Variants in ENAH observed in about 807,000 individuals in gnomAD.
ENAH encodes protein enabled homolog.
Under a neutral mutation model 78.7 loss-of-function variants are expected in ENAH, and 23 were observed. The ratio of observed to expected loss-of-function variants is 0.29; its 90% CI spans 0.21 to 0.41. The LOEUF (loss-of-function observed/expected upper bound fraction) is 0.41. Among genes scored for constraint, ENAH ranks in the 10% least tolerant of loss-of-function variants. ENAH has a pLI of 1.00. For missense variants in ENAH, 544 were observed against 691.0 expected (o/e 0.79, Z 2.39); for synonymous variants, 226 against 241.0 (o/e 0.94, Z 0.58).
chr1:225,546,773 A>G (rs1479648954), intron 3 of ENAH, among the ~76,000 whole-genome samples: 1 of 152,192 alleles, frequency 6.6e-6, no homozygotes, highest in Non-Finnish European at 1.5e-5. Context: ...TTTAGAGTCA[A>G]TCTGCCCAAA....
chr1:225,525,661 G>T lies in ENAH; in HGVS notation c.434+4893C>A, dbSNP rs141144497. Among the ~76,000 whole-genome samples the T allele has an allele frequency of 1.5e-3, 235 of 152,252 alleles. 1 individual carries two copies. The highest frequency in any genetic ancestry group is 5.3e-3 in the African/African-American group (221 of 41,546). On this transcript the variant is annotated intron_variant, in intron 4 of 13. Transcript: ENST00000366843. ...TTGGATTCCTTGTCTCCTGGATGCT[G>T]TCATGGGTTCATCATTCTTGCTTTA...
intron 1 of ENAH, among the ~76,000 whole-genome samples, chr1:225,597,655 CAAAAAAAAAAA>C (rs565567062): frequency 1.6e-5 from 1 of 61,172 alleles, no homozygotes; most frequent in Non-Finnish European, 3.8e-5. Flanking sequence ...AAGAGCATCT[CAAAAAAAAAAA>C]AAAAAAAAAA....
rs1553409497 is a variant in ENAH at position 225,495,464 on chromosome 1, T to TTG, written c.*2310_*2311insCA. 4.0e-5 allele frequency: 6 copies of TTG among 150,264 alleles called. No individual in the cohort carries two copies. The highest frequency in any genetic ancestry group is 6.6e-5 in the Admixed American group (1 of 15,044). 9.3% of individuals were successfully genotyped at this position (150,264 alleles called of 1,614,324 possible). ...AGCATGATTCAACACTGGTTTTTTT[T>TTG]TTTTTTTTTTTTTGTCAGTTTACAC... On this transcript the variant is annotated 3_prime_UTR_variant, in exon 14 of 14. Transcript: ENST00000366843.
chr1:225,538,669 T>G (rs1009233384), intron 3 of ENAH, among the ~76,000 whole-genome samples: 3 of 152,186 alleles, frequency 2.0e-5, no homozygotes, highest in Admixed American at 6.5e-5. Context: ...GAATGCATTT[T>G]ATTCCCTTCT....
At chr1:225,524,879 A>C (rs2096493300) in intron 4 of ENAH, among the ~76,000 whole-genome samples, 1 of 152,240 alleles carries the variant, frequency 6.6e-6, no homozygotes, top group Non-Finnish European at 1.5e-5. Context: ...GTAGGAACCA[A>C]AAACTATTTA....
chr1:225,515,066 T>C (rs1254852169), intron 6 of ENAH, 166 bp from the exon 7 acceptor site: 2 of 668,180 alleles, frequency 3.0e-6, no homozygotes, highest in Non-Finnish European at 5.3e-6. Context: ...TTTTGAAAGA[T>C]ACTGAAATGT....
intron 3 of ENAH, among the ~76,000 whole-genome samples, chr1:225,531,425 T>G (rs2151265020): frequency 6.6e-6 from 1 of 152,228 alleles, no homozygotes; most frequent in South Asian, 2.1e-4. Flanking sequence ...GACATCTTAA[T>G]GTCATTGGAT....
chr1:225,507,619 A>G (rs79032345), intron 11 of ENAH, among the ~76,000 whole-genome samples: 6,534 of 152,160 alleles, frequency 0.043, 231 homozygotes, highest in South Asian at 0.11. Context: ...CAACTGTTAA[A>G]CCTAGGAAAT....
intron 1 of ENAH, among the ~76,000 whole-genome samples, chr1:225,609,758 A>G (rs1476482558): frequency 7.4e-6 from 1 of 136,048 alleles, no homozygotes; most frequent in Non-Finnish European, 1.5e-5. Flanking sequence ...TCCACCTCTC[A>G]GGTTCAAGTG....
intron 5 of ENAH, chr1:225,517,666 G>A (rs1221934332): frequency 6.4e-7 from 1 of 1,550,834 alleles, no homozygotes; most frequent in Non-Finnish European, 8.7e-7. Context: ...GGGCTTCGTA[G>A]CTGGAGGCTG....
intron 1 of ENAH, among the ~76,000 whole-genome samples, chr1:225,609,318 C>A (rs1393936589): frequency 6.6e-6 from 1 of 151,548 alleles, no homozygotes; most frequent in East Asian, 1.9e-4. Flanking sequence ...TCATTAAATC[C>A]AGCTAAAACA....
Position 225,583,433 on chromosome 1 carries a change from C to CAA in ENAH, c.6-16021_6-16020dup, listed in dbSNP as rs67324652. Among the ~76,000 whole-genome samples, 486 of 100,518 alleles carry CAA rather than the reference C, an allele frequency of 4.8e-3. 6 individuals carry two copies. Among genetic ancestry groups the CAA allele is most frequent in the East Asian group, 0.03 (103 of 3,422 alleles). The allele number at this position is 100,518 out of a possible 152,430, so 65.9% of individuals were successfully genotyped here. A position where few individuals can be genotyped will look rare whatever the true frequency, so the allele number is the denominator to read the frequency against. On this transcript the variant is annotated intron_variant, in intron 1 of 13. Transcript: ENST00000366843. ...TGGGCGACAGAGGAAGACCCTGTAT[C>CAA]AAAAAAAAAAAAAAAAAAAAGAGAG...
At chr1:225,615,605 T>TCTGCCCGG in intron 1 of ENAH, among the ~76,000 whole-genome samples, 1 of 151,414 alleles carries the variant, frequency 6.6e-6, no homozygotes, top group Non-Finnish European at 1.5e-5. Context: ...GAGGAGCGTC[T>TCTGCCCGG]CTGCCCGGCC....
chr1:225,650,871 A>C (rs1050402759), intron 1 of ENAH, among the ~76,000 whole-genome samples: 8 of 150,234 alleles, frequency 5.3e-5, no homozygotes, highest in Admixed American at 6.6e-5. Flanking sequence ...AAAAAAAAAA[A>C]AAAAAAACTT....
chr1:225,602,056 T>C (rs2148016310), intron 1 of ENAH, among the ~76,000 whole-genome samples: 1 of 152,062 alleles, frequency 6.6e-6, no homozygotes, highest in South Asian at 2.1e-4. Context: ...TCTTGGTAAA[T>C]ATTAATAGCC....
intron 1 of ENAH, among the ~76,000 whole-genome samples, chr1:225,589,537 A>G (rs888842446): frequency 1.3e-5 from 2 of 152,242 alleles, no homozygotes; most frequent in African/African-American, 4.8e-5. Flanking sequence ...TAGTATTTAC[A>G]TATAACCTAT....
chr1:225,607,731 C>T (rs1291693638), intron 1 of ENAH, among the ~76,000 whole-genome samples: 3 of 152,050 alleles, frequency 2.0e-5, no homozygotes, highest in African/African-American at 7.2e-5. Context: ...ACCCACCCAC[C>T]ACCCTCCTTT....
At chr1:225,566,192 T>C (rs891164869) in intron 2 of ENAH, among the ~76,000 whole-genome samples, 4 of 152,248 alleles carry the variant, frequency 2.6e-5, no homozygotes, top group Non-Finnish European at 5.9e-5. Context: ...CCTGTGCTGA[T>C]AGAAGGATTT....
chr1:225,575,066 A>C (rs1306284352), intron 1 of ENAH, among the ~76,000 whole-genome samples: 2 of 152,206 alleles, frequency 1.3e-5, no homozygotes, highest in Non-Finnish European at 2.9e-5. Context: ...CATAGCACCA[A>C]CACCACCACT....
Sources: gnomAD v4.1 joint callset for allele counts (sites outside exome capture counted in the v4.1 genomes callset) on GRCh38, gnomAD v4.1.1 for gene constraint, MANE v1.5 for transcripts, NCBI Gene and HGNC (gene_info 2026-07-23, HGNC 2026-07-21) for gene names.